SEMA4D: variants seen among roughly 807,000 people sequenced by gnomAD.
SEMA4D encodes semaphorin-4D.
Under a neutral mutation model 74.8 loss-of-function variants are expected in SEMA4D, and 22 were observed. The ratio of observed to expected loss-of-function variants is 0.29; its 90% confidence interval spans 0.21 to 0.42. SEMA4D has a LOEUF of 0.42. Ranked by LOEUF, SEMA4D falls within the 10% of genes least tolerant of loss-of-function variation. The pLI is 1.00. For synonymous variants in SEMA4D, 445 were observed against 463.7 expected (o/e 0.96, Z 0.52); for missense variants, 937 against 1,118.4 (o/e 0.84, Z 2.31).
rs1031860588 is a variant in SEMA4D, at chr9:89,484,365, G to A, written c.-310+13554C>T. ...GTATGTGTGTGCTGTGTGTGCTGCG[G>A]CACGTGCAGCATATGACTGTGTGGT... On this transcript the variant is annotated intron_variant, in intron 1 of 15. Coordinates refer to ENST00000422704, the MANE Select transcript of SEMA4D (RefSeq NM_001371194.2). This position sits in a 1 kb window ranked among gnomAD's most constrained non-coding sequence, Gnocchi z 4.1. Among the ~76,000 whole-genome samples the A allele has an allele frequency of 1.3e-5, 2 of 152,230 alleles. No homozygotes were observed. Among genetic ancestry groups the A allele is most frequent in the Non-Finnish European group, 2.9e-5 (2 of 68,046 alleles).
chr9:89,452,909 G>C (rs1854968844), intron 2 of SEMA4D, among the ~76,000 whole-genome samples: 1 of 152,180 alleles, frequency 6.6e-6, no homozygotes, highest in African/African-American at 2.4e-5. Context: ...TAATGCACAG[G>C]ACCCTGAGTG....
intron 12 of SEMA4D, 143 bp downstream of exon 12, chr9:89,387,243 T>C (rs1838732968): frequency 3.0e-6 from 2 of 659,254 alleles, no homozygotes; most frequent in Admixed American, 6.2e-5. Context: ...TCAGAAATCT[T>C]CTTACGCTCC....
intron 7 of SEMA4D, 78 bp downstream of exon 7, chr9:89,393,484 A>G: frequency 1.6e-6 from 2 of 1,231,970 alleles, no homozygotes; most frequent in Non-Finnish European, 2.4e-6. Flanking sequence ...CACTTCAGAG[A>G]AGATCCAAAT....
chr9:89,395,065 A>G (rs1308881105), intron 6 of SEMA4D, among the ~76,000 whole-genome samples: 3 of 152,178 alleles, frequency 2.0e-5, no homozygotes, highest in Non-Finnish European at 4.4e-5. Context: ...CAATTGTGCA[A>G]TCTAGGTTGC....
intron 11 of SEMA4D, 59 bp from the exon 12 acceptor site, chr9:89,387,667 TC>T (rs1838836826): frequency 1.5e-5 from 23 of 1,510,150 alleles, no homozygotes; most frequent in Non-Finnish European, 2.1e-5. Flanking sequence ...AACGGGTGCT[TC>T]CACACAAGCA....
chr9:89,375,319 C>T (rs566426772), downstream of SEMA4D, among the ~76,000 whole-genome samples: 22 of 152,218 alleles, frequency 1.4e-4, no homozygotes, highest in Non-Finnish European at 2.6e-4. Flanking sequence ...GTGAGAGCGG[C>T]CACAGGGGGC....
intron 2 of SEMA4D, among the ~76,000 whole-genome samples, chr9:89,431,092 A>G (rs1849180032): frequency 6.6e-6 from 1 of 152,268 alleles, no homozygotes; most frequent in South Asian, 2.1e-4. Context: ...TTTATTGACA[A>G]ATACAGATAA....
chr9:89,450,605 CCAGGA>C (rs1854139433), intron 2 of SEMA4D: 3 of 792,492 alleles, frequency 3.8e-6, no homozygotes, highest in Non-Finnish European at 4.2e-6. Flanking sequence ...AGATGAAGGT[CCAGGA>C]TGCAGAGCTA....
chr9:89,405,546 C>A lies in SEMA4D; in HGVS notation c.-90G>T, dbSNP rs768614229. The stretch of plus-strand genomic sequence containing the variant: ...GTGCTATTGCAGATGCGGCTCAGCG[C>A]CCCAGGACCAGGGCCAGCAGCACAG... On this transcript the variant is annotated 5_prime_UTR_variant, in exon 3 of 16. Coordinates refer to ENST00000422704, the MANE Select transcript of SEMA4D (RefSeq NM_001371194.2). The A allele has an allele frequency of 7.1e-6, 11 of 1,551,568 alleles. No homozygotes were observed. The highest frequency in any genetic ancestry group is 9.5e-6 in the Non-Finnish European group (11 of 1,153,308).
intron 16 of SEMA4D, chr9:89,369,628 GAT>G (rs1211464876): frequency 1.3e-5 from 2 of 152,264 alleles, no homozygotes; most frequent in African/African-American, 4.8e-5. Flanking sequence ...TTGTATGCCA[GAT>G]GCGCTATGTG....
intron 12 of SEMA4D, 54 bp from the exon 13 acceptor site, chr9:89,386,536 G>A: frequency 1.6e-6 from 2 of 1,221,932 alleles, no homozygotes; most frequent in Admixed American, 3.5e-5. Flanking sequence ...AGAAACCAAG[G>A]ACAGTGACCA....
At chr9:89,450,821 T>G (rs1419056239) in intron 2 of SEMA4D, 4 of 668,144 alleles carry the variant, frequency 6.0e-6, no homozygotes, top group Non-Finnish European at 9.8e-6. Context: ...CTAGACTCTG[T>G]GAAGTGCAGT....
chr9:89,419,742 G>A (rs1039153528), intron 2 of SEMA4D, among the ~76,000 whole-genome samples: 1 of 147,528 alleles, frequency 6.8e-6, no homozygotes, highest in East Asian at 2.0e-4. Context: ...GCAAAACCCC[G>A]TCTCTATCAA....
At chr9:89,421,512 A>T (rs4132699) in intron 2 of SEMA4D, among the ~76,000 whole-genome samples, 2 of 151,970 alleles carry the variant, frequency 1.3e-5, no homozygotes, top group Admixed American at 1.3e-4. Flanking sequence ...GATATACCCC[A>T]TGTGTGCAAT....
intron 2 of SEMA4D, among the ~76,000 whole-genome samples, chr9:89,433,398 G>C (rs1849694766): frequency 6.6e-6 from 1 of 152,168 alleles, no homozygotes; most frequent in Non-Finnish European, 1.5e-5. Flanking sequence ...TAGTGGGGAG[G>C]GGTCTCCAAT....
chr9:89,464,156 A>G (rs1039407015), intron 1 of SEMA4D, among the ~76,000 whole-genome samples: 1 of 152,172 alleles, frequency 6.6e-6, no homozygotes, highest in Non-Finnish European at 1.5e-5. Flanking sequence ...CCGCACTGTG[A>G]GCCTGTTTCT....
intron 2 of SEMA4D, among the ~76,000 whole-genome samples, chr9:89,434,817 C>G (rs1243180167): frequency 2.6e-5 from 4 of 152,176 alleles, no homozygotes; most frequent in Admixed American, 1.3e-4. Flanking sequence ...AGTGAAGTCT[C>G]CAGGGCCCTG....
At chr9:89,387,248 C>A in intron 12 of SEMA4D, 138 bp downstream of exon 12, 2 of 674,560 alleles carry the variant, frequency 3.0e-6, no homozygotes, top group Non-Finnish European at 4.9e-6. Context: ...AATCTTCTTA[C>A]GCTCCCACAA....
chr9:89,468,117 C>T (rs1376353030), intron 1 of SEMA4D, among the ~76,000 whole-genome samples: 1 of 152,214 alleles, frequency 6.6e-6, no homozygotes, highest in East Asian at 1.9e-4. Flanking sequence ...TGAGAAAACT[C>T]AGCGCCATAG....
Sources: gnomAD v4.1 joint callset for allele counts (sites outside exome capture counted in the v4.1 genomes callset) on GRCh38, gnomAD v4.1.1 for gene constraint, Gnocchi (gnomAD v3.1) non-coding constraint, MANE v1.5 for transcripts, NCBI Gene and HGNC (gene_info 2026-07-23, HGNC 2026-07-21) for gene names.